The following SMG7 variants were observed in gnomAD, a reference collection of about 807,000 sequenced individuals.
The protein encoded by SMG7 is SMG7 nonsense mediated mRNA decay factor.
Under a neutral mutation model 148.2 loss-of-function variants are expected in SMG7, and 34 were observed. That is an observed-to-expected ratio of 0.23 (90% CI 0.17 to 0.31). The LOEUF (loss-of-function observed/expected upper bound fraction) is 0.31, where lower values mean the gene tolerates loss of function less well. Among genes scored for constraint, SMG7 ranks in the 10% least tolerant of loss-of-function variants. SMG7 has a pLI of 1.00. For missense variants in SMG7, 1,114 were observed against 1,408.4 expected, an observed-to-expected ratio of 0.79 and a Z score of 3.35; for synonymous variants, 492 against 515.1, an observed-to-expected ratio of 0.96 and a Z score of 0.61.
chr1:183,544,569 G>C, intron 15 of SMG7, 72 bp downstream of exon 15: 1 of 1,505,834 alleles, frequency 6.6e-7, no homozygotes, highest in Non-Finnish European at 9.2e-7. Flanking sequence ...ACTGAGAAAT[G>C]TGTTTTCTGT....
At chr1:183,480,642 T>G (rs1048789744) in intron 1 of SMG7, among the ~76,000 whole-genome samples, 3 of 152,136 alleles carry the variant, frequency 2.0e-5, no homozygotes, top group Non-Finnish European at 4.4e-5. Context: ...CCTCAAGTAG[T>G]TTCACTGGGC....
chr1:183,494,353 A>T (rs1571827490), intron 1 of SMG7, among the ~76,000 whole-genome samples: 1 of 149,506 alleles, frequency 6.7e-6, no homozygotes, highest in South Asian at 2.1e-4. Flanking sequence ...AATTTAGGGG[A>T]CTTTTTTGGT....
chr1:183,549,865 A>C lies in SMG7; in HGVS notation c.3075A>C (p.Thr1025=). 1 of 1,613,926 alleles carries C rather than the reference A, an allele frequency of 6.2e-7. No homozygotes were observed. The highest frequency in any genetic ancestry group is 8.5e-7 in the Non-Finnish European group (1 of 1,179,850). Residue 1025 remains threonine (T), a synonymous_variant, in exon 20 of 23, where the codon ACA becomes ACC. Coordinates refer to ENST00000688051, the MANE Select transcript of SMG7 (RefSeq NM_001375584.1). The stretch of plus-strand genomic sequence containing the variant: ...GTCCCTCAATGGCCCCCCAGGAAAC[A>C]TCTCTGTATTCCCTTTTTGAAGGGA... ...ELSPSMAPQE[T]SLYSLFEGTP... is the part of the protein sequence containing the mutation.
intron 10 of SMG7, among the ~76,000 whole-genome samples, chr1:183,536,155 T>C (rs1414203226): frequency 1.3e-5 from 2 of 152,136 alleles, no homozygotes; most frequent in African/African-American, 2.4e-5. Flanking sequence ...TTGATACATA[T>C]TCAGAGGTAA....
Position 183,544,999 on chromosome 1 carries a change from C to T in SMG7, c.2057C>T (p.Pro686Leu), listed in dbSNP as rs1409899053. The T allele has an allele frequency of 2.5e-6, 4 of 1,613,746 alleles. No individual in the cohort carries two copies. Among genetic ancestry groups the T allele is most frequent in the Non-Finnish European group, 3.4e-6 (4 of 1,179,840 alleles). ...TCTATGGGCTCAGGTTACACCTTCCCAGCTGGTGTTTCTGTCCCAGGAACC... is the reference window on the plus strand; with the variant it reads ...TCTATGGGCTCAGGTTACACCTTCCTAGCTGGTGTTTCTGTCCCAGGAACC... The part of the protein sequence containing the change: ...AFSMGSGYTF[P>L]AGVSVPGTFL... The change falls in exon 16 of 23, where the codon CCA becomes CTA. Residue 686 changes from proline to leucine, a missense_variant. Coordinates refer to ENST00000688051, the MANE Select transcript of SMG7 (RefSeq NM_001375584.1).
chr1:183,508,229 C>T (rs1260603311), intron 1 of SMG7: 1 of 645,076 alleles, frequency 1.6e-6, no homozygotes, highest in Non-Finnish European at 1.9e-6. Flanking sequence ...AGTCTCACTC[C>T]ATTGCCCAGG....
At chr1:183,489,130 T>C (rs1656291860) in intron 1 of SMG7, among the ~76,000 whole-genome samples, 1 of 152,056 alleles carries the variant, frequency 6.6e-6, no homozygotes, top group Admixed American at 6.6e-5. Flanking sequence ...ATACAGAAAA[T>C]TGAAGCTTAA....
At chr1:183,536,848 G>A (rs576615180) in intron 10 of SMG7, among the ~76,000 whole-genome samples, 60 of 152,186 alleles carry the variant, frequency 3.9e-4, no homozygotes, top group African/African-American at 1.4e-3. Flanking sequence ...GCCTATTTCA[G>A]TTTTCCATGT....
intron 22 of SMG7, 69 bp downstream of exon 22, chr1:183,551,259 A>G: frequency 6.8e-7 from 1 of 1,468,502 alleles, no homozygotes. Flanking sequence ...TCATTCACAT[A>G]AATAGCTAGA....
intron 1 of SMG7, among the ~76,000 whole-genome samples, chr1:183,489,094 A>G (rs115193358): frequency 0.016 from 2,503 of 152,230 alleles, 74 homozygotes; most frequent in African/African-American, 0.057. Flanking sequence ...ATCCTGCACA[A>G]TAGGCTTAAT....
chr1:183,549,636 A>G, intron 19 of SMG7, 128 bp from the exon 20 acceptor site: 1 of 742,090 alleles, frequency 1.3e-6, no homozygotes, highest in Non-Finnish European at 2.3e-6. Flanking sequence ...AAAAAGAAAT[A>G]AAAGCCTTCA....
chr1:183,553,608 G>GTCCCCCCC lies in SMG7; in HGVS notation c.*1677_*1678insTCCCCCCC, dbSNP rs757787584. On this transcript the variant is annotated 3_prime_UTR_variant, in exon 23 of 23. Transcript: ENST00000688051. ...TTGCTCTTCAGAGAGAGTGGTTGGAGCCCCCCCCGCCCCGTATGCTTACAT... is the reference window on the plus strand; with the variant it reads ...TTGCTCTTCAGAGAGAGTGGTTGGAGTCCCCCCCCCCCCCCCGCCCCGTATGCTTACAT... 1.6e-5 allele frequency: 2 copies of GTCCCCCCC among 128,298 alleles called. No individual in the cohort carries two copies. The highest frequency in any genetic ancestry group is 2.7e-5 in the African/African-American group (1 of 36,670). The allele number at this position is 128,298 out of a possible 1,614,324, so 7.9% of individuals were successfully genotyped here.
At chr1:183,500,118 T>C (rs1355363265) in intron 1 of SMG7, among the ~76,000 whole-genome samples, 2 of 152,210 alleles carry the variant, frequency 1.3e-5, no homozygotes, top group Admixed American at 1.3e-4. Context: ...TTTCCTGTTG[T>C]TTATGGCTTA....
chr1:183,501,235 T>A (rs1659640498), intron 1 of SMG7: 1 of 152,186 alleles, frequency 6.6e-6, no homozygotes, highest in Non-Finnish European at 1.5e-5. Context: ...TTACTTCTGT[T>A]ACCTCATTTA....
chr1:183,546,302 C>A lies in SMG7; in HGVS notation c.2707C>A (p.Pro903Thr). ...RGKRSPGVFR[P>T]EQDPVPRMPF... is the part of the protein sequence containing the mutation. ...CAAACGGTCACCAGGAGTCTTCCGT[C>A]CAGAGCAGGATCCTGTACCCAGAAT... The change falls in exon 17 of 23, where the codon CCA becomes ACA. Residue 903 changes from proline (P) to threonine (T), a missense_variant. Coordinates refer to ENST00000688051, the MANE Select transcript of SMG7 (RefSeq NM_001375584.1). 3.1e-6 allele frequency: 5 copies of A among 1,613,880 alleles called. No individual in the cohort carries two copies. The highest frequency in any genetic ancestry group is 4.2e-6 in the Non-Finnish European group (5 of 1,179,884).
intron 1 of SMG7, among the ~76,000 whole-genome samples, chr1:183,503,697 G>C (rs928935980): frequency 6.6e-6 from 1 of 151,950 alleles, no homozygotes; most frequent in African/African-American, 2.4e-5. Flanking sequence ...GTAATTTGAT[G>C]GTCATTGAAC....
chr1:183,528,956 C>T lies in SMG7; in HGVS notation c.621C>T (p.Phe207=), dbSNP rs3932687. The change falls in exon 7 of 23, where the codon TTC becomes TTT. Residue 207 remains phenylalanine (F), a synonymous_variant. Transcript: ENST00000688051. ...SSKGDHLTTI[F]YYCRSIAVKF... Reference sequence around the variant, plus strand: ...AAGGAGACCATCTGACCACAATTTTCTACTACTGCAGAAGCATTGCTGTGA... The same window carrying T: ...AAGGAGACCATCTGACCACAATTTTTTACTACTGCAGAAGCATTGCTGTGA... 1 of 1,613,586 alleles carries T rather than the reference C, an allele frequency of 6.2e-7. No homozygotes were observed. The highest frequency in any genetic ancestry group is 8.5e-7 in the Non-Finnish European group (1 of 1,179,552).
At position 183,552,467 on chromosome 1, in the gene SMG7, T is replaced by C. The variant is rs1671220268; in HGVS notation, c.*536T>C. 4 of 994,846 alleles carry C rather than the reference T, an allele frequency of 4.0e-6. No homozygotes were observed. Among genetic ancestry groups the C allele is most frequent in the Non-Finnish European group, 4.8e-6 (4 of 835,330 alleles). 61.6% of individuals were successfully genotyped at this position (994,846 alleles called of 1,614,324 possible). ...CACAGGTGTGCTTCTAGTCAGTGTG[T>C]AGCAAGGAAAGCCCCGTTCACTGCT... is the stretch of plus-strand genomic sequence containing the variant. On this transcript the variant is annotated 3_prime_UTR_variant, in exon 23 of 23. Transcript: ENST00000688051.
At chr1:183,514,956 G>C (rs1459958917) in intron 2 of SMG7, among the ~76,000 whole-genome samples, 4 of 152,182 alleles carry the variant, frequency 2.6e-5, no homozygotes. Flanking sequence ...TTATTCCATT[G>C]TGTAGTAGCA....
Sources: allele counts gnomAD v4.1 joint callset (sites outside exome capture counted in the v4.1 genomes callset), GRCh38; gene constraint gnomAD v4.1.1; transcripts MANE v1.5; gene names NCBI Gene and HGNC (gene_info 2026-07-23, HGNC 2026-07-21).